The following NMT2 variants were observed in gnomAD, a reference collection of about 807,000 sequenced individuals.
NMT2 encodes glycylpeptide N-tetradecanoyltransferase 2.
NMT2 carries 35 observed loss-of-function variants against 65.4 expected under a neutral mutation model. The observed-to-expected ratio is 0.54, with a 90% CI of 0.41 to 0.71. NMT2 has a LOEUF of 0.71. NMT2 is among the 30% of genes least tolerant of loss of function. The pLI is 0.00. For missense variants in NMT2, 489 were observed against 611.3 expected, an observed-to-expected ratio of 0.80 and a Z score of 2.11; for synonymous variants, 226 against 231.8, an observed-to-expected ratio of 0.98 and a Z score of 0.23.
intron 6 of NMT2, among the ~76,000 whole-genome samples, chr10:15,132,608 G>A (rs554414176): frequency 6.6e-6 from 1 of 152,126 alleles, no homozygotes; most frequent in South Asian, 2.1e-4. Flanking sequence ...TGTATTTTTA[G>A]TAGAGATGGG....
At chr10:15,130,782 CTTTCTT>C (rs1192423661) in intron 6 of NMT2, among the ~76,000 whole-genome samples, 1 of 123,010 alleles carries the variant, frequency 8.1e-6, no homozygotes, top group African/African-American at 3.0e-5. Context: ...TTTCTTCTTT[CTTTCTT>C]TTTTTTTTTT....
chr10:15,122,084 A>C (rs1296612670), intron 8 of NMT2, among the ~76,000 whole-genome samples: 1 of 152,186 alleles, frequency 6.6e-6, no homozygotes, highest in East Asian at 1.9e-4. Flanking sequence ...GTCATTTAAA[A>C]AATTAGTTTC....
downstream of NMT2, among the ~76,000 whole-genome samples, chr10:15,105,749 A>G (rs77942539): frequency 0.13 from 20,363 of 152,234 alleles, 1,390 homozygotes; most frequent in Middle Eastern, 0.22. Flanking sequence ...ATGCAGTTTT[A>G]AATCTACAAG....
At chr10:15,163,059 G>A (rs536034405) in intron 1 of NMT2, among the ~76,000 whole-genome samples, 2 of 151,940 alleles carry the variant, frequency 1.3e-5, no homozygotes, top group South Asian at 2.1e-4. Flanking sequence ...GGAACTATAC[G>A]CATGCACCAC....
chr10:15,107,805 G>T lies in NMT2; in HGVS notation c.*1390C>A. 1 of 985,738 alleles carries T rather than the reference G, an allele frequency of 1.0e-6. No individual in the cohort carries two copies. The highest frequency in any genetic ancestry group is 1.2e-6 in the Non-Finnish European group (1 of 829,916). 61.1% of individuals were successfully genotyped at this position (985,738 alleles called of 1,614,324 possible). ...GTTGAGGCCAGGCTACGTGGCCTCG[G>T]TTAGCATCTTATTTTTCCCGCAGAT... On this transcript the variant is annotated 3_prime_UTR_variant, in exon 12 of 12. Coordinates refer to ENST00000378165, the MANE Select transcript of NMT2 (RefSeq NM_004808.3).
At chr10:15,153,756 T>A (rs973440836) in intron 1 of NMT2, among the ~76,000 whole-genome samples, 1 of 152,000 alleles carries the variant, frequency 6.6e-6, no homozygotes, top group Non-Finnish European at 1.5e-5. Flanking sequence ...TTCACACCAT[T>A]CTCCTGCCTC....
intron 2 of NMT2, chr10:15,140,958 G>A: frequency 1.3e-6 from 2 of 1,543,838 alleles, no homozygotes; most frequent in Non-Finnish European, 1.8e-6. Context: ...CTGCAAACTG[G>A]TTTAATTCAA....
At position 15,108,524 on chromosome 10, in the gene NMT2, ACT is replaced by A; in HGVS notation, c.*669_*670del. 5 of 985,460 alleles carry A rather than the reference ACT, an allele frequency of 5.1e-6. No individual in the cohort carries two copies. The highest frequency in any genetic ancestry group is 6.0e-6 in the Non-Finnish European group (5 of 830,124). 61.0% of individuals were successfully genotyped at this position (985,460 alleles called of 1,614,324 possible). ...AGAGCACAGTGAGTGCTTGCACAAA[ACT>A]CTGCTTTTGAAGCAATCCACTGACC... On this transcript the variant is annotated 3_prime_UTR_variant, in exon 12 of 12. Coordinates refer to ENST00000378165, the MANE Select transcript of NMT2 (RefSeq NM_004808.3).
chr10:15,158,842 A>C (rs1343644172), intron 1 of NMT2, among the ~76,000 whole-genome samples: 1 of 152,148 alleles, frequency 6.6e-6, no homozygotes, highest in Non-Finnish European at 1.5e-5. Context: ...TTGGCAGAGC[A>C]ACAAAGCACT....
At position 15,130,182 on chromosome 10, in the gene NMT2, T is replaced by C; in HGVS notation, c.850A>G (p.Thr284Ala). 2 of 1,594,910 alleles carry C rather than the reference T, an allele frequency of 1.3e-6. No individual in the cohort carries two copies. The highest frequency in any genetic ancestry group is 1.7e-6 in the Non-Finnish European group (2 of 1,169,398). Residue 284 changes from threonine to alanine, a missense_variant, in exon 7 of 12, where the codon ACC becomes GCC. Thr to Ala is a moderately conservative substitution (Grantham distance 58). Transcript: ENST00000378165. ...NLEGIFQAVY[T>A]AGVVLPKPIA... Reference sequence around the variant, plus strand: ...GGCTTAGGAAGAACCACTCCCGCGGTGTACACAGCCTGGAAGATCCCTTCC... The same window carrying C: ...GGCTTAGGAAGAACCACTCCCGCGGCGTACACAGCCTGGAAGATCCCTTCC...
rs756996324 is a variant in NMT2, at chr10:15,108,678, T to A, written c.*517A>T. On this transcript the variant is annotated 3_prime_UTR_variant, in exon 12 of 12. Coordinates refer to ENST00000378165, the MANE Select transcript of NMT2 (RefSeq NM_004808.3). The stretch of plus-strand genomic sequence containing the variant: ...CACTTAAACAACCACCACCTGTCAC[T>A]GAGCTACAGAAGTGTTGATTCCATA... 53 of 990,902 alleles carry A rather than the reference T, an allele frequency of 5.3e-5. 1 individual carries two copies. Among genetic ancestry groups the A allele is most frequent in the Admixed American group, 3.1e-4 (5 of 16,304 alleles). The allele number at this position is 990,902 out of a possible 1,614,324, so 61.4% of individuals were successfully genotyped here. A position where few individuals can be genotyped will look rare whatever the true frequency, so the allele number is the denominator to read the frequency against.
chr10:15,121,821 T>C (rs537022775), intron 8 of NMT2, among the ~76,000 whole-genome samples: 1 of 152,272 alleles, frequency 6.6e-6, no homozygotes, highest in Admixed American at 6.5e-5. Context: ...ACACCAACAG[T>C]CCTCAGCTGA....
chr10:15,130,703 CA>C (rs974360507), intron 6 of NMT2, among the ~76,000 whole-genome samples: 2,466 of 28,636 alleles, frequency 0.086, 3 homozygotes, highest in African/African-American at 0.14. Flanking sequence ...GGCCCTGTCT[CA>C]AAAAAAAAAA....
At chr10:15,149,677 A>G (rs1214619643) in intron 1 of NMT2, among the ~76,000 whole-genome samples, 1 of 151,996 alleles carries the variant, frequency 6.6e-6, no homozygotes, top group East Asian at 1.9e-4. Flanking sequence ...AGCACCCTAC[A>G]GATATCAACT....
chr10:15,113,578 T>C (rs1221329933), intron 9 of NMT2, among the ~76,000 whole-genome samples: 2 of 150,960 alleles, frequency 1.3e-5, no homozygotes, highest in Non-Finnish European at 2.9e-5. Context: ...GGAACAGTGA[T>C]AAAAGCAGAT....
intron 3 of NMT2, 146 bp from the exon 4 acceptor site, chr10:15,133,509 G>C: frequency 1.6e-6 from 1 of 643,000 alleles, no homozygotes; most frequent in Non-Finnish European, 2.8e-6. Flanking sequence ...AAAAGATGCT[G>C]TTATATCAAG....
At chr10:15,134,291 C>G (rs771516545) in intron 3 of NMT2, among the ~76,000 whole-genome samples, 9 of 152,140 alleles carry the variant, frequency 5.9e-5, no homozygotes, top group Non-Finnish European at 1.2e-4. Context: ...TGGCTGCTGC[C>G]TGCCTCGGCC....
chr10:15,165,573 C>G (rs1833350514), intron 1 of NMT2, among the ~76,000 whole-genome samples: 1 of 151,988 alleles, frequency 6.6e-6, no homozygotes, highest in Admixed American at 6.5e-5. Context: ...CTTGGGTGGA[C>G]CAAAAAGTTA....
intron 2 of NMT2, among the ~76,000 whole-genome samples, chr10:15,139,052 G>A (rs1589331268): frequency 6.6e-6 from 1 of 152,016 alleles, no homozygotes; most frequent in African/African-American, 2.4e-5. Flanking sequence ...ATACAAGCAG[G>A]CAGAAAAATG....
Sources: allele counts gnomAD v4.1 joint callset (sites outside exome capture counted in the v4.1 genomes callset), GRCh38; gene constraint gnomAD v4.1.1; transcripts MANE v1.5; gene names NCBI Gene and HGNC (gene_info 2026-07-23, HGNC 2026-07-21).